The following SGIP1 variants were observed in gnomAD, a reference collection of about 807,000 sequenced individuals.
SGIP1 encodes the protein SH3GL interacting endocytic adaptor 1.
SGIP1 carries 38 observed loss-of-function variants against 107.5 expected under a neutral mutation model. The observed-to-expected ratio is 0.35, with a 90% CI of 0.27 to 0.46. The LOEUF is 0.46. Among genes scored for constraint, SGIP1 ranks in the 20% least tolerant of loss-of-function variants. The probability of loss-of-function intolerance (pLI) is 1.00; values close to 1 mark genes in which losing one functional copy is unlikely to be tolerated. For missense variants in SGIP1, 929 were observed against 1,019.5 expected (o/e 0.91, Z 1.21); for synonymous variants, 365 against 366.1 (o/e 1.00, Z 0.03).
At chr1:66,694,450 G>A (rs113918176) in intron 17 of SGIP1, 12 of 1,607,338 alleles carry the variant, frequency 7.5e-6, no homozygotes, top group African/African-American at 4.0e-5. Context: ...GTCAGAAGAC[G>A]ATGTTTTTTA....
chr1:66,552,099 C>G (rs1220519767), intron 1 of SGIP1, among the ~76,000 whole-genome samples: 1 of 152,076 alleles, frequency 6.6e-6, no homozygotes, highest in Non-Finnish European at 1.5e-5. Flanking sequence ...ACCACCGGGT[C>G]CTAGCTGGTG....
At chr1:66,714,556 ATCTC>A (rs1557725882) in intron 18 of SGIP1, among the ~76,000 whole-genome samples, 1 of 152,072 alleles carries the variant, frequency 6.6e-6, no homozygotes, top group Non-Finnish European at 1.5e-5. Context: ...AGCCACCCAA[ATCTC>A]CAGTGAGGTT....
intron 24 of SGIP1, among the ~76,000 whole-genome samples, chr1:66,741,652 T>G (rs2094448834): frequency 6.6e-6 from 1 of 152,230 alleles, no homozygotes; most frequent in South Asian, 2.1e-4. Flanking sequence ...TAACTCTGTT[T>G]CTTAAGTGGG....
intron 19 of SGIP1, among the ~76,000 whole-genome samples, 167 bp from the exon 20 acceptor site, chr1:66,729,097 G>A (rs554998008): frequency 2.6e-5 from 4 of 152,084 alleles, no homozygotes; most frequent in Non-Finnish European, 5.9e-5. Flanking sequence ...ATGTACCCCT[G>A]AACCTAAAAT....
intron 9 of SGIP1, among the ~76,000 whole-genome samples, chr1:66,669,924 GCTGTTAATGTTATA>G (rs1287402658): frequency 1.3e-5 from 2 of 152,186 alleles, no homozygotes; most frequent in African/African-American, 4.8e-5. Context: ...CTTGTCCTAA[GCTGTTAATGTTATA>G]CTTTGAGAGA....
intron 21 of SGIP1, among the ~76,000 whole-genome samples, chr1:66,737,908 C>G (rs2150715892): frequency 6.6e-6 from 1 of 152,208 alleles, no homozygotes; most frequent in East Asian, 1.9e-4. Context: ...TGTTTAGTTT[C>G]TGGCCCGATA....
chr1:66,675,542 T>TTTTTTTTTTTTC, intron 12 of SGIP1, among the ~76,000 whole-genome samples: 2 of 111,466 alleles, frequency 1.8e-5, no homozygotes, highest in African/African-American at 8.1e-5. Flanking sequence ...TTTTTCTTTC[T>TTTTTTTTTTTTC]TTTTTTTTTT....
intron 1 of SGIP1, among the ~76,000 whole-genome samples, chr1:66,549,133 A>ACCTGCCTGCCTTCCTG (rs200992464): frequency 8.1e-6 from 1 of 122,834 alleles, no homozygotes; most frequent in Admixed American, 9.2e-5. Flanking sequence ...CCTTCTGGCT[A>ACCTGCCTGCCTTCCTG]CCTGCCTTCC....
At position 66,747,580 on chromosome 1, in the gene SGIP1, C is replaced by A. The variant is rs2094570105; in HGVS notation, c.*4485C>A. The A allele has an allele frequency of 6.6e-6, 1 of 151,918 alleles. No homozygotes were observed. The highest frequency in any genetic ancestry group is 2.4e-5 in the African/African-American group (1 of 41,414). 9.4% of individuals were successfully genotyped at this position (151,918 alleles called of 1,614,324 possible). A position where few individuals can be genotyped will look rare whatever the true frequency, so the allele number is the denominator to read the frequency against. The stretch of plus-strand genomic sequence containing the variant: ...AATACAAAATCCTAATCAATGTTTC[C>A]TTCTTTGCAAGGGACATTCAGATCT... On this transcript the variant is annotated 3_prime_UTR_variant, in exon 25 of 25. Transcript: ENST00000371037.
At chr1:66,730,327 C>T (rs182885009) in intron 20 of SGIP1, among the ~76,000 whole-genome samples, 1 of 152,166 alleles carries the variant, frequency 6.6e-6, no homozygotes, top group Admixed American at 6.5e-5. Flanking sequence ...CTTTATTATG[C>T]ATATGCACAG....
intron 16 of SGIP1, 118 bp from the exon 17 acceptor site, chr1:66,690,072 T>G: frequency 8.8e-7 from 1 of 1,140,692 alleles, no homozygotes; most frequent in Non-Finnish European, 1.3e-6. Flanking sequence ...AAAAATGGTG[T>G]CATCTATTCT....
intron 1 of SGIP1, among the ~76,000 whole-genome samples, chr1:66,549,099 C>A (rs926546472): frequency 2.6e-5 from 4 of 152,112 alleles, no homozygotes; most frequent in Admixed American, 6.6e-5. Context: ...GCTGTGCCCC[C>A]CTGGGCAAGC....
intron 1 of SGIP1, among the ~76,000 whole-genome samples, chr1:66,595,512 T>A (rs1284935759): frequency 6.6e-6 from 1 of 152,150 alleles, no homozygotes; most frequent in Non-Finnish European, 1.5e-5. Context: ...ATAATAAGGG[T>A]GATAACTTTC....
intron 1 of SGIP1, among the ~76,000 whole-genome samples, chr1:66,535,200 C>CA (rs1218409433): frequency 1.3e-5 from 2 of 152,140 alleles, no homozygotes; most frequent in South Asian, 2.1e-4. Flanking sequence ...AGATTGTCTC[C>CA]AAAAAGCAGC....
intron 15 of SGIP1, among the ~76,000 whole-genome samples, chr1:66,688,456 A>G (rs1002215929): frequency 3.9e-5 from 6 of 152,222 alleles, no homozygotes; most frequent in African/African-American, 1.4e-4. Flanking sequence ...AGCTCTTTCA[A>G]AAATCGTCAT....
At chr1:66,638,818 A>T (rs1176775929) in intron 4 of SGIP1, among the ~76,000 whole-genome samples, 1 of 152,166 alleles carries the variant, frequency 6.6e-6, no homozygotes, top group Non-Finnish European at 1.5e-5. Flanking sequence ...TTGTTGCAAA[A>T]TTAGAGGTCC....
intron 1 of SGIP1, among the ~76,000 whole-genome samples, chr1:66,587,196 G>C (rs1158725627): frequency 6.6e-6 from 1 of 151,882 alleles, no homozygotes; most frequent in African/African-American, 2.4e-5. Flanking sequence ...TTTAGAGTTT[G>C]CTCAGTTTCT....
intron 17 of SGIP1, chr1:66,694,540 A>T: frequency 6.6e-7 from 1 of 1,513,580 alleles, no homozygotes; most frequent in Non-Finnish European, 8.8e-7. Flanking sequence ...AGAGACCTAG[A>T]TTCCAAAAAT....
intron 21 of SGIP1, among the ~76,000 whole-genome samples, chr1:66,738,725 C>T (rs1294346956): frequency 6.6e-6 from 1 of 152,150 alleles, no homozygotes; most frequent in Non-Finnish European, 1.5e-5. Context: ...GCCTTGAAAC[C>T]AGGTGTGAAA....
Sources: allele counts gnomAD v4.1 joint callset (sites outside exome capture counted in the v4.1 genomes callset), GRCh38; gene constraint gnomAD v4.1.1; transcripts MANE v1.5; gene names NCBI Gene and HGNC (gene_info 2026-07-23, HGNC 2026-07-21).